The following SNX24 variants were observed in gnomAD, a reference collection of about 807,000 sequenced individuals.
SNX24 encodes sorting nexin 24.
Under a neutral mutation model 28.7 loss-of-function variants are expected in SNX24, and 22 were observed. The ratio of observed to expected loss-of-function variants is 0.77; its 90% CI spans 0.55 to 1.10. The LOEUF (loss-of-function observed/expected upper bound fraction) is 1.10. Ranked by LOEUF, SNX24 falls within the 50% of genes least tolerant of loss-of-function variation. The pLI, the probability that SNX24 is intolerant of heterozygous loss-of-function variation, is 0.00. For synonymous variants in SNX24, 69 were observed against 71.5 expected, an observed-to-expected ratio of 0.96 and a Z score of 0.18; for missense variants, 221 against 201.1, an observed-to-expected ratio of 1.10 and a Z score of -0.60.
rs968988532 is a variant in SNX24, at chr5:122,895,769, G to T, written c.61-40965G>T. On this transcript the variant is annotated intron_variant, in intron 1 of 6. Transcript: ENST00000261369. ...TTTCTGCTTATTTGAGCCATAATAG[G>T]ACTGTTTTCAAAAGATTTCACTTGG... 2.6e-5 allele frequency among the ~76,000 whole-genome samples: 4 copies of T among 152,298 alleles called. No homozygotes were observed. In the East Asian group the frequency reaches 7.7e-4, roughly 29 times the overall value.
intron 1 of SNX24, among the ~76,000 whole-genome samples, chr5:122,869,127 CTTGT>C (rs1440953453): frequency 1.3e-5 from 2 of 152,096 alleles, no homozygotes; most frequent in South Asian, 2.1e-4. Flanking sequence ...CTCTGTTTTC[CTTGT>C]TTATTATCGG....
At chr5:122,897,037 C>G (rs925418909) in intron 1 of SNX24, among the ~76,000 whole-genome samples, 1 of 152,200 alleles carries the variant, frequency 6.6e-6, no homozygotes, top group African/African-American at 2.4e-5. Flanking sequence ...TTTCCTCTTG[C>G]TTCTTTCTAG....
intron 1 of SNX24, among the ~76,000 whole-genome samples, chr5:122,866,236 A>AG (rs1260328450): frequency 4.6e-5 from 7 of 151,932 alleles, no homozygotes; most frequent in Non-Finnish European, 8.8e-5. Context: ...TGCAACCACC[A>AG]CCTCCCAGGT....
chr5:122,898,798 T>G (rs1757313316), intron 1 of SNX24, among the ~76,000 whole-genome samples: 1 of 152,232 alleles, frequency 6.6e-6, no homozygotes, highest in African/African-American at 2.4e-5. Context: ...TTTCAAAGCA[T>G]TCTGCAGGTA....
intron 3 of SNX24, among the ~76,000 whole-genome samples, chr5:122,983,814 C>T (rs1381404090): frequency 6.6e-6 from 1 of 152,094 alleles, no homozygotes; most frequent in African/African-American, 2.4e-5. Context: ...CTATGTGTTT[C>T]CCAGACAATG....
chr5:122,896,404 T>C (rs1043986960), intron 1 of SNX24, among the ~76,000 whole-genome samples: 1 of 152,234 alleles, frequency 6.6e-6, no homozygotes, highest in Non-Finnish European at 1.5e-5. Flanking sequence ...GGATTTATCA[T>C]GCACATGTTC....
chr5:122,922,913 G>T (rs981475169), intron 1 of SNX24, among the ~76,000 whole-genome samples: 1 of 152,090 alleles, frequency 6.6e-6, no homozygotes, highest in East Asian at 1.9e-4. Context: ...TCTAGCACAT[G>T]GTATGTGCTC....
chr5:122,998,357 T>A (rs771286730), intron 3 of SNX24: 37 of 152,186 alleles, frequency 2.4e-4, no homozygotes, highest in Admixed American at 7.9e-4. Context: ...AGTTGTTGTT[T>A]AGTGTGTGTG....
chr5:122,905,983 C>A (rs762586924), intron 1 of SNX24, among the ~76,000 whole-genome samples: 22 of 152,292 alleles, frequency 1.4e-4, no homozygotes, highest in Admixed American at 2.6e-4. Flanking sequence ...GACAGAATAA[C>A]AGCTAAGAGT....
chr5:122,897,058 A>T (rs1421480397), intron 1 of SNX24, among the ~76,000 whole-genome samples: 2 of 152,220 alleles, frequency 1.3e-5, no homozygotes, highest in African/African-American at 4.8e-5. Flanking sequence ...TATTAAATCA[A>T]TATAGTGTTT....
intron 5 of SNX24, chr5:123,023,905 C>G: frequency 6.2e-7 from 1 of 1,613,574 alleles, no homozygotes; most frequent in South Asian, 1.1e-5. Flanking sequence ...CCACAAAAGG[C>G]GTTTTCACGT....
At chr5:122,941,523 T>TA (rs1313369466) in intron 2 of SNX24, among the ~76,000 whole-genome samples, 1 of 152,190 alleles carries the variant, frequency 6.6e-6, no homozygotes, top group African/African-American at 2.4e-5. Context: ...CTTTCTTCCC[T>TA]AATCTCTTTG....
At chr5:122,891,165 G>T (rs1482972987) in intron 1 of SNX24, 1 of 1,412,348 alleles carries the variant, frequency 7.1e-7, no homozygotes, top group Non-Finnish European at 9.3e-7. Flanking sequence ...GTGTTTTTTT[G>T]TTTTTTGTTT....
intron 1 of SNX24, among the ~76,000 whole-genome samples, chr5:122,870,902 C>T (rs1339772645): frequency 1.3e-5 from 2 of 152,166 alleles, no homozygotes; most frequent in South Asian, 2.1e-4. Flanking sequence ...TTCTGGTGCA[C>T]GTCGTTGTCT....
At chr5:122,848,962 AT>A (rs1288675269) in intron 1 of SNX24, among the ~76,000 whole-genome samples, 1 of 152,146 alleles carries the variant, frequency 6.6e-6, no homozygotes, top group Non-Finnish European at 1.5e-5. Context: ...ATCTTTCAAT[AT>A]TGATATGGAG....
intron 3 of SNX24, among the ~76,000 whole-genome samples, chr5:122,946,679 A>T (rs138854515): frequency 1.1e-3 from 163 of 152,254 alleles, no homozygotes; most frequent in African/African-American, 3.7e-3. Context: ...GCACTGGGAC[A>T]CTCTTTTCTG....
At chr5:123,013,070 G>T (rs533437837), downstream of SNX24, among the ~76,000 whole-genome samples, 7 of 152,260 alleles carry the variant, frequency 4.6e-5, no homozygotes, top group African/African-American at 1.7e-4. Context: ...CAACTCTTGG[G>T]GGTGTTTGTT....
intron 1 of SNX24, among the ~76,000 whole-genome samples, chr5:122,932,881 A>T (rs1244041080): frequency 1.7e-5 from 2 of 116,508 alleles, no homozygotes; most frequent in Non-Finnish European, 3.5e-5. Flanking sequence ...AAAAAAAAAA[A>T]AAATTCTCAT....
chr5:122,995,378 G>T (rs1414452145), intron 3 of SNX24, among the ~76,000 whole-genome samples: 1 of 152,154 alleles, frequency 6.6e-6, no homozygotes, highest in Non-Finnish European at 1.5e-5. Context: ...ATTATTGGAT[G>T]ACTTGTTTTT....
Sources: gnomAD v4.1 joint callset for allele counts (sites outside exome capture counted in the v4.1 genomes callset) on GRCh38, gnomAD v4.1.1 for gene constraint, MANE v1.5 for transcripts, NCBI Gene and HGNC (gene_info 2026-07-23, HGNC 2026-07-21) for gene names.